NDUFAF2: variants seen among roughly 807,000 people sequenced by gnomAD.
The protein encoded by NDUFAF2 is NADH dehydrogenase [ubiquinone] 1 alpha subcomplex assembly factor 2.
A neutral mutation model predicts 22.8 loss-of-function variants in NDUFAF2; 13 were observed. The ratio of observed to expected loss-of-function variants is 0.57; its 90% confidence interval spans 0.37 to 0.91. The LOEUF is 0.91. Ranked by LOEUF, NDUFAF2 falls within the 40% of genes least tolerant of loss-of-function variation. The pLI, the probability that NDUFAF2 is intolerant of heterozygous loss-of-function variation, is 0.01. For missense variants in NDUFAF2, 162 were observed against 195.2 expected (o/e 0.83, Z 1.01); for synonymous variants, 53 against 64.2 (o/e 0.83, Z 0.84).
chr5:61,040,081 C>G (rs1751851721), intron 1 of NDUFAF2, among the ~76,000 whole-genome samples: 1 of 151,932 alleles, frequency 6.6e-6, no homozygotes, highest in African/African-American at 2.4e-5. Context: ...CATACATGGT[C>G]AATATAGTGG....
At chr5:60,996,313 C>G (rs866908933) in intron 1 of NDUFAF2, among the ~76,000 whole-genome samples, 1 of 152,086 alleles carries the variant, frequency 6.6e-6, no homozygotes, top group African/African-American at 2.4e-5. Context: ...TCCTTCTGGA[C>G]CAGGGTGTAT....
chr5:61,131,290 G>C (rs1305746325), intron 3 of NDUFAF2, among the ~76,000 whole-genome samples: 1 of 151,130 alleles, frequency 6.6e-6, no homozygotes, highest in African/African-American at 2.4e-5. Context: ...CAAACTCCTA[G>C]GCTCAAGCAA....
At chr5:60,968,503 G>A (rs1037016613) in intron 1 of NDUFAF2, among the ~76,000 whole-genome samples, 5 of 151,260 alleles carry the variant, frequency 3.3e-5, no homozygotes, top group African/African-American at 4.9e-5. Flanking sequence ...TTTGTTACAC[G>A]CTATAAGTTT....
intron 1 of NDUFAF2, among the ~76,000 whole-genome samples, chr5:60,976,002 G>A (rs980588213): frequency 6.6e-6 from 1 of 152,182 alleles, no homozygotes; most frequent in Non-Finnish European, 1.5e-5. Flanking sequence ...CTTGGCATAT[G>A]AGCAGGATGA....
chr5:61,071,723 CT>C (rs1192010773), intron 1 of NDUFAF2, among the ~76,000 whole-genome samples: 2 of 152,194 alleles, frequency 1.3e-5, no homozygotes, highest in Non-Finnish European at 2.9e-5. Flanking sequence ...ATGCTGCTCC[CT>C]TTATCATTCC....
At chr5:61,053,257 A>G (rs956099831) in intron 1 of NDUFAF2, among the ~76,000 whole-genome samples, 1 of 152,250 alleles carries the variant, frequency 6.6e-6, no homozygotes, top group African/African-American at 2.4e-5. Context: ...ACTTCTAATT[A>G]TTTAAACTAC....
At chr5:61,108,972 A>AT (rs1423893986) in intron 3 of NDUFAF2, among the ~76,000 whole-genome samples, 5 of 151,440 alleles carry the variant, frequency 3.3e-5, no homozygotes, top group Admixed American at 1.3e-4. Flanking sequence ...TAATTTTAGA[A>AT]TTTTTTTTCT....
At position 61,002,679 on chromosome 5, in the gene NDUFAF2, A is replaced by G. The variant is rs1472705448; in HGVS notation, c.127+57297A>G. ...ACAATGATGCCAATATAATATATGC[A>G]CTGTTCAATAATTTATTTTGTATCT... On this transcript the variant is annotated intron_variant, in intron 1 of 3. Transcript: ENST00000296597. 2.6e-5 allele frequency among the ~76,000 whole-genome samples: 4 copies of G among 152,246 alleles called. No individual in the cohort carries two copies. In the East Asian group the frequency reaches 7.7e-4, roughly 29 times the overall value.
At chr5:61,118,649 G>A (rs1322139720) in intron 3 of NDUFAF2, among the ~76,000 whole-genome samples, 1 of 152,104 alleles carries the variant, frequency 6.6e-6, no homozygotes, top group East Asian at 1.9e-4. Context: ...TATACTTAAA[G>A]CATGCATTCA....
intron 1 of NDUFAF2, among the ~76,000 whole-genome samples, chr5:61,007,616 C>G (rs1326597045): frequency 6.6e-6 from 1 of 152,182 alleles, no homozygotes; most frequent in Non-Finnish European, 1.5e-5. Flanking sequence ...CATCTCACAC[C>G]AGTTAGAATG....
chr5:61,139,350 T>C (rs539319572), intron 3 of NDUFAF2, among the ~76,000 whole-genome samples: 1 of 152,242 alleles, frequency 6.6e-6, no homozygotes, highest in African/African-American at 2.4e-5. Flanking sequence ...TGGGAAGAGA[T>C]CAGAATTCAG....
intron 1 of NDUFAF2, among the ~76,000 whole-genome samples, chr5:60,950,012 A>G (rs183972374): frequency 1.3e-5 from 2 of 152,172 alleles, no homozygotes; most frequent in Non-Finnish European, 2.9e-5. Flanking sequence ...GTAGGTAATT[A>G]TATCAACTGT....
chr5:60,976,335 G>A (rs1160265510), intron 1 of NDUFAF2, among the ~76,000 whole-genome samples: 1 of 150,414 alleles, frequency 6.6e-6, no homozygotes, highest in Non-Finnish European at 1.5e-5. Context: ...CTCTTAATGC[G>A]TAAGCTTAAA....
chr5:61,058,234 C>T (rs536093218), intron 1 of NDUFAF2, among the ~76,000 whole-genome samples: 1 of 151,992 alleles, frequency 6.6e-6, no homozygotes, highest in African/African-American at 2.4e-5. Flanking sequence ...TTTTATAATT[C>T]TCTAAATTCT....
intron 1 of NDUFAF2, among the ~76,000 whole-genome samples, chr5:61,010,706 T>A (rs2112597422): frequency 6.6e-6 from 1 of 152,264 alleles, no homozygotes; most frequent in African/African-American, 2.4e-5. Context: ...TATATATTCA[T>A]CCCTTCTTCT....
intron 1 of NDUFAF2, among the ~76,000 whole-genome samples, chr5:60,964,558 C>T (rs1372304867): frequency 1.3e-5 from 2 of 151,716 alleles, no homozygotes; most frequent in Non-Finnish European, 2.9e-5. Context: ...TCAAGCGATT[C>T]TCCTGCTTCA....
chr5:61,035,500 A>G (rs184397933), intron 1 of NDUFAF2, among the ~76,000 whole-genome samples: 189 of 127,210 alleles, frequency 1.5e-3, no homozygotes, highest in African/African-American at 5.6e-3. Context: ...CCAAGATGGT[A>G]TTAAACATAA....
chr5:61,067,836 T>A (rs1752250217), intron 1 of NDUFAF2, among the ~76,000 whole-genome samples: 1 of 152,126 alleles, frequency 6.6e-6, no homozygotes, highest in South Asian at 2.1e-4. Flanking sequence ...TTCCTGACTT[T>A]TTAATGATTG....
chr5:61,088,257 A>C (rs574889195), intron 2 of NDUFAF2, among the ~76,000 whole-genome samples: 1 of 152,196 alleles, frequency 6.6e-6, no homozygotes, highest in East Asian at 1.9e-4. Context: ...TGAGCACCAT[A>C]ATCTTATATA....
Sources: allele counts gnomAD v4.1 joint callset (sites outside exome capture counted in the v4.1 genomes callset), GRCh38; gene constraint gnomAD v4.1.1; transcripts MANE v1.5; gene names NCBI Gene and HGNC (gene_info 2026-07-23, HGNC 2026-07-21).